DMD: variants seen among roughly 807,000 people sequenced by gnomAD.
DMD encodes the protein dystrophin.
Under a neutral mutation model 330.1 loss-of-function variants are expected in DMD, and 63 were observed. The observed-to-expected ratio is 0.19, with a 90% CI of 0.16 to 0.24. The LOEUF (loss-of-function observed/expected upper bound fraction) is 0.24. DMD is among the 10% of genes least tolerant of loss of function. The probability of loss-of-function intolerance (pLI) is 1.00; values close to 1 mark genes in which losing one functional copy is unlikely to be tolerated. For synonymous variants in DMD, 1,223 were observed against 959.8 expected, an observed-to-expected ratio of 1.27 and a Z score of -5.07; for missense variants, 3,344 against 2,684.1, an observed-to-expected ratio of 1.25 and a Z score of -5.43.
chrX:32,361,319 A>AT (rs986195580), intron 37 of DMD, among the ~76,000 whole-genome samples: 4 of 111,221 alleles, frequency 3.6e-5, no homozygotes, highest in African/African-American at 6.5e-5. Flanking sequence ...AGCCTGTCAC[A>AT]TTTTTTTGCA....
In DMD at chrX:31,853,447, G is replaced by A. The variant is rs73217923; in HGVS notation, c.7099-16628C>T. The stretch of plus-strand genomic sequence containing the variant: ...ATTACAGTGTTGTTGGAAATAATCA[G>A]TCTAGAAATAAGAACATCTGGGTTC... On this transcript the variant is annotated intron_variant, in intron 48 of 78. Transcript: ENST00000357033. Among the ~76,000 whole-genome samples, 811 of 112,121 alleles carry A rather than the reference G, an allele frequency of 7.2e-3. 5 individuals carry two copies. The highest frequency in any genetic ancestry group is 0.032 in the South Asian group (86 of 2,666).
chrX:32,758,302 AG>A (rs1400943293), intron 7 of DMD, among the ~76,000 whole-genome samples: 1 of 111,571 alleles, frequency 9.0e-6, no homozygotes, highest in Non-Finnish European at 1.9e-5. Flanking sequence ...CTTTAGCTTT[AG>A]GGGCCAGAGA....
intron 51 of DMD, among the ~76,000 whole-genome samples, chrX:31,767,487 G>A (rs2090074146): frequency 8.9e-6 from 1 of 111,890 alleles, no homozygotes; most frequent in African/African-American, 3.2e-5. Context: ...GGGGGTCTGG[G>A]TTTATGTTAG....
At chrX:31,728,062 G>A (rs1255807116) in intron 52 of DMD, among the ~76,000 whole-genome samples, 4 of 112,324 alleles carry the variant, frequency 3.6e-5, no homozygotes, top group Non-Finnish European at 7.5e-5. Context: ...TCGCTCTGTC[G>A]CCCAGGCTGG....
chrX:31,814,525 G>A (rs1248123713), intron 50 of DMD, among the ~76,000 whole-genome samples: 3 of 86,593 alleles, frequency 3.5e-5, no homozygotes, highest in Non-Finnish European at 6.6e-5. Context: ...AGAAAACTCT[G>A]TTAACTGGCT....
chrX:32,412,688 A>T (rs942506589), intron 29 of DMD, among the ~76,000 whole-genome samples: 1 of 111,527 alleles, frequency 9.0e-6, no homozygotes, highest in Non-Finnish European at 1.9e-5. Context: ...AGTAGTTGTA[A>T]AAGTAAGAAA....
intron 60 of DMD, among the ~76,000 whole-genome samples, chrX:31,439,627 A>G (rs749595189): frequency 8.9e-6 from 1 of 112,310 alleles, no homozygotes; most frequent in Non-Finnish European, 1.9e-5. Flanking sequence ...CCTACAGTCA[A>G]TAAAACAAAT....
intron 33 of DMD, among the ~76,000 whole-genome samples, chrX:32,382,841 T>C (rs781240032): frequency 9.0e-6 from 1 of 111,048 alleles, no homozygotes; most frequent in South Asian, 3.7e-4. Flanking sequence ...ATTTTGTTTA[T>C]TTCCAGCTAA....
chrX:33,303,479 G>A (rs1435620102), intron 1 of DMD, among the ~76,000 whole-genome samples: 1 of 111,010 alleles, frequency 9.0e-6, no homozygotes, highest in African/African-American at 3.3e-5. Flanking sequence ...ATAGGAATAT[G>A]GGATGGGAAG....
chrX:32,777,769 T>C (rs2074324339), intron 7 of DMD, among the ~76,000 whole-genome samples: 2 of 112,624 alleles, frequency 1.8e-5, no homozygotes, highest in African/African-American at 6.4e-5. Context: ...TGTTTTTGCA[T>C]ACTTAAGGAA....
intron 42 of DMD, among the ~76,000 whole-genome samples, chrX:32,298,840 C>G (rs931511988): frequency 3.3e-4 from 32 of 96,326 alleles, no homozygotes; most frequent in African/African-American, 1.1e-3. Flanking sequence ...GGAGTTAGCC[C>G]TTTGATGGTT....
chrX:31,665,915 C>T (rs1189700113), intron 53 of DMD, among the ~76,000 whole-genome samples: 2 of 112,037 alleles, frequency 1.8e-5, no homozygotes, highest in African/African-American at 6.5e-5. Flanking sequence ...GGAGAGGTCT[C>T]CAAGTGCTTC....
At chrX:32,131,166 C>CA (rs2096691835) in intron 44 of DMD, among the ~76,000 whole-genome samples, 1 of 111,806 alleles carries the variant, frequency 8.9e-6, no homozygotes, top group East Asian at 2.8e-4. Flanking sequence ...GCCTGGGTGA[C>CA]AGAGTGAGAC....
intron 1 of DMD, among the ~76,000 whole-genome samples, chrX:33,096,639 G>C (rs1743321191): frequency 9.1e-6 from 1 of 110,210 alleles, no homozygotes; most frequent in African/African-American, 3.3e-5. Flanking sequence ...CAAGTAGCTG[G>C]GATTACAAGC....
Position 32,259,294 on chromosome X carries a change from C to G in DMD, c.6290+28235G>C, listed in dbSNP as rs2097312051. Among the ~76,000 whole-genome samples the G allele has an allele frequency of 1.8e-5, 2 of 110,761 alleles. 1 individual carries two copies. The highest frequency in any genetic ancestry group is 7.5e-4 in the South Asian group (2 of 2,670). ...GACTGATATTTTTAGATCAAACCCA[C>G]AAGTGTGAAATATTTTTCATTTTAA... On this transcript the variant is annotated intron_variant, in intron 43 of 78. Transcript: ENST00000357033.
chrX:32,960,916 TAAAAAAAA>T lies in DMD; in HGVS notation c.93+59215_93+59222del, dbSNP rs59425093. Reference sequence around the variant, plus strand: ...CATGATTATTTTATTGCACCATTTGTAAAAAAAAAAAAAAAAAAAAAAGGTCAATTTAA... The same window carrying T: ...CATGATTATTTTATTGCACCATTTGTAAAAAAAAAAAAAAGGTCAATTTAA... On this transcript the variant is annotated intron_variant, in intron 2 of 78. Transcript: ENST00000357033. 8.7e-5 allele frequency among the ~76,000 whole-genome samples: 6 copies of T among 68,660 alleles called. No homozygotes were observed. In the East Asian group the frequency reaches 1.9e-3, roughly 22 times the overall value. The allele number at this position is 68,660 out of a possible 115,157, so 59.6% of individuals were successfully genotyped here. A position where few individuals can be genotyped will look rare whatever the true frequency, so the allele number is the denominator to read the frequency against.
chrX:32,418,069 C>CATATTAAATTAA (rs1312082887), intron 29 of DMD, among the ~76,000 whole-genome samples: 1 of 111,089 alleles, frequency 9.0e-6, no homozygotes, highest in Non-Finnish European at 1.9e-5. Context: ...AACAAGGAAG[C>CATATTAAATTAA]ATATTAAATT....
intron 44 of DMD, among the ~76,000 whole-genome samples, chrX:32,173,533 C>T (rs748099145): frequency 9.1e-5 from 10 of 109,471 alleles, no homozygotes; most frequent in South Asian, 8.1e-4. Flanking sequence ...CTGCCATGCA[C>T]GGCTAATTTT....
intron 57 of DMD, 107 bp from the exon 58 acceptor site, chrX:31,479,210 T>C: frequency 3.3e-6 from 3 of 916,429 alleles, no homozygotes; most frequent in East Asian, 6.4e-5. Flanking sequence ...TCAATTTCTA[T>C]CTCTTTTATT....
Sources: allele counts gnomAD v4.1 joint callset (sites outside exome capture counted in the v4.1 genomes callset), GRCh38; gene constraint gnomAD v4.1.1; transcripts MANE v1.5; gene names NCBI Gene and HGNC (gene_info 2026-07-23, HGNC 2026-07-21).